Variants in PRELID2 observed in about 807,000 individuals in gnomAD.
The protein encoded by PRELID2 is PRELI domain containing 2, also known as PRELI domain-containing protein 2.
PRELID2 carries 25 observed loss-of-function variants against 28.4 expected under a neutral mutation model. That is an observed-to-expected ratio of 0.88 (90% CI 0.64 to 1.23). PRELID2 has a LOEUF of 1.23. PRELID2 is among the 50% of genes most tolerant of loss of function. The probability of loss-of-function intolerance (pLI) is 0.00; values close to 1 mark genes in which losing one functional copy is unlikely to be tolerated. For missense variants in PRELID2, 201 were observed against 214.4 expected, an observed-to-expected ratio of 0.94 and a Z score of 0.39; for synonymous variants, 76 against 71.6, an observed-to-expected ratio of 1.06 and a Z score of -0.31.
intron 1 of PRELID2, among the ~76,000 whole-genome samples, chr5:145,824,425 CGTGTGTGT>C (rs369429281): frequency 1.7e-4 from 16 of 96,248 alleles, no homozygotes; most frequent in South Asian, 3.4e-4. Flanking sequence ...CCACAGCAGG[CGTGTGTGT>C]GTGTGTGTGT....
At chr5:145,315,064 C>CTTTTTTT in the PRELID2 span, among the ~76,000 whole-genome samples, 5 of 100,578 alleles carry the variant, frequency 5.0e-5, no homozygotes, top group Admixed American at 1.1e-4. Context: ...TACAATAATT[C>CTTTTTTT]TTTTTTTTTT....
At chr5:145,513,460 C>G (rs561934412) in intron 1 of PRELID2, among the ~76,000 whole-genome samples, 56 of 151,956 alleles carry the variant, frequency 3.7e-4, no homozygotes, top group African/African-American at 1.2e-3. Context: ...AATGAACGAA[C>G]AAAGCCTCCA....
At chr5:145,740,778 T>C (rs1183545590) in intron 1 of PRELID2, among the ~76,000 whole-genome samples, 7 of 117,994 alleles carry the variant, frequency 5.9e-5, no homozygotes, top group African/African-American at 3.3e-5. Flanking sequence ...ATATAATATA[T>C]TTATACATAT....
intron 1 of PRELID2, among the ~76,000 whole-genome samples, chr5:145,748,841 C>T (rs570359030): frequency 3.3e-5 from 5 of 152,250 alleles, no homozygotes; most frequent in Admixed American, 6.5e-5. Flanking sequence ...ACCATCTGCC[C>T]TTTGACAAAC....
chr5:145,363,970 T>G, the PRELID2 span, among the ~76,000 whole-genome samples: 1 of 152,024 alleles, frequency 6.6e-6, no homozygotes, highest in Non-Finnish European at 1.5e-5. Flanking sequence ...GATTGTACGC[T>G]ATTGCTACAT....
chr5:145,619,701 C>T (rs1753748527), intron 1 of PRELID2, among the ~76,000 whole-genome samples: 1 of 152,190 alleles, frequency 6.6e-6, no homozygotes, highest in Non-Finnish European at 1.5e-5. Context: ...GTTGGAGCTG[C>T]AATCTAGCCC....
intron 1 of PRELID2, among the ~76,000 whole-genome samples, chr5:145,562,868 G>A (rs979920151): frequency 2.0e-5 from 3 of 152,214 alleles, no homozygotes; most frequent in Non-Finnish European, 1.5e-5. Flanking sequence ...TTAGGCCAAA[G>A]TAGAGTTTTT....
the PRELID2 span, among the ~76,000 whole-genome samples, chr5:145,377,313 T>C: frequency 6.6e-6 from 1 of 152,200 alleles, no homozygotes; most frequent in South Asian, 2.1e-4. Context: ...TCCAATTACA[T>C]GATCAGTTTT....
chr5:145,315,525 T>C, the PRELID2 span, among the ~76,000 whole-genome samples: 1 of 151,454 alleles, frequency 6.6e-6, no homozygotes, highest in Non-Finnish European at 1.5e-5. Flanking sequence ...CTGGATGTCC[T>C]AGTTTGCTTG....
chr5:145,398,199 C>A, the PRELID2 span, among the ~76,000 whole-genome samples: 3,887 of 152,186 alleles, frequency 0.026, 142 homozygotes, highest in African/African-American at 0.082. Context: ...CAGGGAACAA[C>A]TGGGCACTCA....
intron 1 of PRELID2, among the ~76,000 whole-genome samples, chr5:145,739,921 A>G (rs1297084502): frequency 6.7e-6 from 1 of 150,072 alleles, no homozygotes; most frequent in African/African-American, 2.4e-5. Context: ...GTTTTTAAAA[A>G]AGAAAGAAAA....
At chr5:145,749,896 T>C (rs181777531) in intron 1 of PRELID2, among the ~76,000 whole-genome samples, 2 of 151,742 alleles carry the variant, frequency 1.3e-5, no homozygotes, top group Non-Finnish European at 2.9e-5. Flanking sequence ...TTCTCACTCA[T>C]AAGTGGGAGT....
intron 1 of PRELID2, among the ~76,000 whole-genome samples, chr5:145,504,505 C>T (rs1473722014): frequency 6.6e-6 from 1 of 152,122 alleles, no homozygotes; most frequent in African/African-American, 2.4e-5. Flanking sequence ...ATGTTGTTTT[C>T]CTTGAAATTT....
intron 1 of PRELID2, among the ~76,000 whole-genome samples, chr5:145,712,019 G>GA (rs1755709071): frequency 6.6e-6 from 1 of 152,128 alleles, no homozygotes; most frequent in South Asian, 2.1e-4. Flanking sequence ...CTACTGAAGG[G>GA]AGACTCCTGA....
chr5:145,649,610 A>ACACTT (rs1171102955), intron 1 of PRELID2, among the ~76,000 whole-genome samples: 2 of 152,100 alleles, frequency 1.3e-5, no homozygotes, highest in Non-Finnish European at 2.9e-5. Flanking sequence ...TTCTTTCTCC[A>ACACTT]CACTTGAGTC....
the PRELID2 span, chr5:145,229,776 A>G: frequency 1.3e-6 from 1 of 755,164 alleles, no homozygotes; most frequent in African/African-American, 1.7e-5. Flanking sequence ...TGCTGAGCTG[A>G]TATACACCAG....
At chr5:145,271,178 G>A in the PRELID2 span, among the ~76,000 whole-genome samples, 42 of 152,162 alleles carry the variant, frequency 2.8e-4, no homozygotes, top group African/African-American at 7.5e-4. Flanking sequence ...CATTAGAGAC[G>A]AGATTTGGCT....
intron 1 of PRELID2, among the ~76,000 whole-genome samples, chr5:145,676,220 C>CAAAAAAAAA (rs34833967): frequency 1.9e-5 from 1 of 53,602 alleles, no homozygotes; most frequent in East Asian, 5.3e-4. Flanking sequence ...AACTCCATCT[C>CAAAAAAAAA]AAAAAAAAAA....
At chr5:145,793,704 T>A (rs1752545463) in intron 5 of PRELID2, among the ~76,000 whole-genome samples, 1 of 152,210 alleles carries the variant, frequency 6.6e-6, no homozygotes, top group African/African-American at 2.4e-5. Context: ...CAGGTAATAT[T>A]CATCAGAAAC....
Sources: gnomAD v4.1 joint callset for allele counts (sites outside exome capture counted in the v4.1 genomes callset) on GRCh38, gnomAD v4.1.1 for gene constraint, MANE v1.5 for transcripts, NCBI Gene and HGNC (gene_info 2026-07-23, HGNC 2026-07-21) for gene names.